Variants in WDR86 observed in about 807,000 individuals in gnomAD.
WDR86 encodes the protein WD repeat-containing protein 86.
Under a neutral mutation model 36.5 loss-of-function variants are expected in WDR86, and 30 were observed. The observed-to-expected ratio is 0.82, with a 90% CI of 0.61 to 1.11. The LOEUF is 1.11. WDR86 is among the 50% of genes most tolerant of loss of function. WDR86 has a pLI of 0.00. For missense variants in WDR86, 545 were observed against 561.2 expected (o/e 0.97, Z 0.29); for synonymous variants, 255 against 252.9 (o/e 1.01, Z -0.08).
At chr7:151,400,283 G>A (rs1214527522) in intron 1 of WDR86, 42 bp from the exon 2 acceptor site, 1 of 1,496,594 alleles carries the variant, frequency 6.7e-7, no homozygotes, top group East Asian at 2.5e-5. Flanking sequence ...TACTGGGGAT[G>A]CCAGCTCCTG....
chr7:151,385,017 T>G, intron 4 of WDR86, 71 bp downstream of exon 4: 1 of 1,474,406 alleles, frequency 6.8e-7, no homozygotes, highest in Non-Finnish European at 9.1e-7. Flanking sequence ...GAAAATCCCA[T>G]AGGAAGTAAA....
At chr7:151,404,741 G>A (rs1291882686) in intron 1 of WDR86, among the ~76,000 whole-genome samples, 2 of 152,248 alleles carry the variant, frequency 1.3e-5, no homozygotes, top group African/African-American at 4.8e-5. Context: ...AGAACATGCT[G>A]AGGCTGACGG....
chr7:151,397,969 C>G (rs1214779167), intron 2 of WDR86, among the ~76,000 whole-genome samples: 3 of 152,092 alleles, frequency 2.0e-5, no homozygotes, highest in Non-Finnish European at 2.9e-5. Context: ...CAGGCCTGAC[C>G]TGGCTCTGAA....
downstream of WDR86, chr7:151,374,158 G>T: frequency 6.3e-7 from 1 of 1,577,304 alleles, no homozygotes; most frequent in East Asian, 2.3e-5. Flanking sequence ...GAGAACATCA[G>T]GTTTCTGAAA....
the WDR86 span, among the ~76,000 whole-genome samples, chr7:151,369,784 G>A: frequency 6.6e-6 from 1 of 152,166 alleles, no homozygotes; most frequent in African/African-American, 2.4e-5. Context: ...AGCCATAGAA[G>A]TCTCTAGAAT....
In WDR86 at chr7:151,400,117, G is replaced by C. The variant is rs372186980; in HGVS notation, c.288C>G (p.His96Gln). 1 of 1,603,390 alleles carries C rather than the reference G, an allele frequency of 6.2e-7. No individual in the cohort carries two copies. The highest frequency in any genetic ancestry group is 2.3e-5 in the East Asian group (1 of 44,202). The change falls in exon 2 of 6, where the codon CAC (histidine) becomes CAG (glutamine). Residue 96 changes from histidine (H) to glutamine (Q), a missense_variant. Coordinates refer to ENST00000334493, the MANE Select transcript of WDR86 (RefSeq NM_198285.3). ...AGGCTGACCTGTTCACGATGGACGTGTGTCCTCGGTACACCTGCAGACACT... is the reference window on the plus strand; with the variant it reads ...AGGCTGACCTGTTCACGATGGACGTCTGTCCTCGGTACACCTGCAGACACT... ...TGQCLQVYRG[H>Q]TSIVNRILVA... is the part of the protein sequence containing the mutation.
rs929193229 is a variant in WDR86, at chr7:151,381,167, C to G, written c.*415G>C. 2 of 1,251,698 alleles carry G rather than the reference C, an allele frequency of 1.6e-6. No individual in the cohort carries two copies. The highest frequency in any genetic ancestry group is 3.1e-5 in the East Asian group (1 of 31,754). The allele number at this position is 1,251,698 out of a possible 1,614,324, so 77.5% of individuals were successfully genotyped here. A position where few individuals can be genotyped will look rare whatever the true frequency, so the allele number is the denominator to read the frequency against. The stretch of plus-strand genomic sequence containing the variant: ...ATATTTCAGTTCCCCCCAAGGCCCT[C>G]GAGACGGACGATTTGCCAAAATAAC... On this transcript the variant is annotated 3_prime_UTR_variant, in exon 6 of 6. Coordinates refer to ENST00000334493, the MANE Select transcript of WDR86 (RefSeq NM_198285.3). This position sits in a 1 kb window ranked among gnomAD's most constrained non-coding sequence, Gnocchi z 4.8.
chr7:151,410,282 C>T (rs930126740), upstream of WDR86, among the ~76,000 whole-genome samples: 6 of 152,328 alleles, frequency 3.9e-5, no homozygotes, highest in East Asian at 7.7e-4. Flanking sequence ...GAGGGGGAGG[C>T]GGACAAAGGG....
At chr7:151,370,813 G>C in the WDR86 span, among the ~76,000 whole-genome samples, 1 of 151,530 alleles carries the variant, frequency 6.6e-6, no homozygotes, top group Non-Finnish European at 1.5e-5. Flanking sequence ...TTGTTCTTGC[G>C]ATAGTTTACT....
At chr7:151,378,832 A>G (rs943863731), downstream of WDR86, among the ~76,000 whole-genome samples, 1 of 152,186 alleles carries the variant, frequency 6.6e-6, no homozygotes, top group African/African-American at 2.4e-5. Flanking sequence ...CTAGCTTCCC[A>G]GCTGTTTTTA....
chr7:151,387,259 C>A (rs1430706014), intron 3 of WDR86, among the ~76,000 whole-genome samples: 1 of 152,108 alleles, frequency 6.6e-6, no homozygotes, highest in Admixed American at 6.5e-5. Flanking sequence ...GTGACCAGGG[C>A]AGGAGGCTTG....
At position 151,405,970 on chromosome 7, in the gene WDR86, G is replaced by A. The variant is rs898130718; in HGVS notation, c.163+3457C>T. Among the ~76,000 whole-genome samples, 1 of 152,198 alleles carries A rather than the reference G, an allele frequency of 6.6e-6. No homozygotes were observed. Among genetic ancestry groups the A allele is most frequent in the African/African-American group, 2.4e-5 (1 of 41,446 alleles). On this transcript the variant is annotated intron_variant, in intron 1 of 5. Coordinates refer to ENST00000334493, the MANE Select transcript of WDR86 (RefSeq NM_198285.3). The surrounding 1 kb of genome is among the most constrained non-coding windows in gnomAD (Gnocchi z 4.7). ...GATAGGTACTACCATTTTGGAAAAT[G>A]TCACTCATCTCATTGAACCAATAAA...
intron 3 of WDR86, among the ~76,000 whole-genome samples, chr7:151,387,405 C>G (rs949081254): frequency 5.9e-5 from 9 of 152,170 alleles, no homozygotes; most frequent in Non-Finnish European, 1.2e-4. Context: ...CAGAGCCACA[C>G]AGGCCGAGGG....
chr7:151,380,681 C>T (rs1261332729), downstream of WDR86, among the ~76,000 whole-genome samples: 2 of 152,018 alleles, frequency 1.3e-5, no homozygotes, highest in African/African-American at 2.4e-5. Flanking sequence ...GGGCACAGGG[C>T]TCCCCTTGGG....
chr7:151,398,144 G>A (rs1800004379), intron 2 of WDR86, among the ~76,000 whole-genome samples: 1 of 152,176 alleles, frequency 6.6e-6, no homozygotes, highest in African/African-American at 2.4e-5. Context: ...ATATGTGCAT[G>A]TGTGTTGTGT....
chr7:151,372,752 G>T (rs1798020657), downstream of WDR86, among the ~76,000 whole-genome samples: 1 of 152,154 alleles, frequency 6.6e-6, no homozygotes, highest in African/African-American at 2.4e-5. Context: ...TTTCAGGTAG[G>T]TGACTGGAAT....
At chr7:151,377,699 C>G (rs542425467), downstream of WDR86, 2 of 152,706 alleles carry the variant, frequency 1.3e-5, no homozygotes, top group African/African-American at 4.8e-5. Context: ...CCTGTGCCAC[C>G]CTTTCCCCGC....
At chr7:151,376,348 C>T (rs1363821929), downstream of WDR86, 4 of 491,144 alleles carry the variant, frequency 8.1e-6, no homozygotes, top group Non-Finnish European at 1.5e-5. Flanking sequence ...TGGCCACTGA[C>T]CTCGCGGTGC....
intron 1 of WDR86, 30 bp from the exon 2 acceptor site, chr7:151,400,271 C>T (rs751895979): frequency 7.2e-6 from 11 of 1,533,484 alleles, no homozygotes; most frequent in East Asian, 4.8e-5. Flanking sequence ...GAGATGTGAG[C>T]GTACTGGGGA....
Sources: gnomAD v4.1 joint callset for allele counts (sites outside exome capture counted in the v4.1 genomes callset) on GRCh38, gnomAD v4.1.1 for gene constraint, Gnocchi (gnomAD v3.1) non-coding constraint, MANE v1.5 for transcripts, NCBI Gene and HGNC (gene_info 2026-07-23, HGNC 2026-07-21) for gene names.